Variants in CCDC171 observed in about 807,000 individuals in gnomAD.
The protein encoded by CCDC171 is coiled-coil domain-containing protein 171.
Under a neutral mutation model 168.2 loss-of-function variants are expected in CCDC171, and 177 were observed. That is an observed-to-expected ratio of 1.05 (90% CI 0.93 to 1.19). CCDC171 has a LOEUF of 1.19. Ranked by LOEUF, CCDC171 falls within the 50% of genes most tolerant of loss-of-function variation. CCDC171 has a pLI of 0.00. For missense variants in CCDC171, 1,991 were observed against 1,539.0 expected (o/e 1.29, Z -4.91); for synonymous variants, 687 against 540.8 (o/e 1.27, Z -3.75).
intron 16 of CCDC171, among the ~76,000 whole-genome samples, chr9:15,740,473 C>T (rs1450891891): frequency 6.6e-6 from 1 of 151,722 alleles, no homozygotes; most frequent in East Asian, 1.9e-4. Flanking sequence ...CTTGCTCTGT[C>T]ACCCAAGCTA....
the CCDC171 span, among the ~76,000 whole-genome samples, chr9:16,085,809 T>A: frequency 7.9e-5 from 12 of 152,348 alleles, no homozygotes; most frequent in African/African-American, 2.4e-4. Context: ...CTAGTCTGTA[T>A]GATTATCACA....
At chr9:15,940,670 T>C (rs1402097916) in intron 25 of CCDC171, among the ~76,000 whole-genome samples, 1 of 151,936 alleles carries the variant, frequency 6.6e-6, no homozygotes, top group African/African-American at 2.4e-5. Flanking sequence ...ATTTCTCCCC[T>C]TTATTTTTGA....
intron 21 of CCDC171, among the ~76,000 whole-genome samples, chr9:15,786,305 G>A (rs2057951152): frequency 1.3e-5 from 2 of 151,922 alleles, no homozygotes; most frequent in Admixed American, 1.3e-4. Flanking sequence ...CGATATGACT[G>A]TGAATTTTTT....
At chr9:15,979,639 T>G (rs1831730999) in intron 3 of CCDC171, among the ~76,000 whole-genome samples, 1 of 152,172 alleles carries the variant, frequency 6.6e-6, no homozygotes, top group South Asian at 2.1e-4. Context: ...GGGATAAATC[T>G]CACTTGGTCA....
At chr9:15,632,603 A>C (rs1253812543) in intron 7 of CCDC171, among the ~76,000 whole-genome samples, 1 of 152,172 alleles carries the variant, frequency 6.6e-6, no homozygotes, top group East Asian at 1.9e-4. Context: ...TCCCCAAGGT[A>C]ATTTATAGAT....
chr9:15,895,998 C>T (rs1820847257), intron 24 of CCDC171, among the ~76,000 whole-genome samples: 1 of 151,956 alleles, frequency 6.6e-6, no homozygotes, highest in Non-Finnish European at 1.5e-5. Context: ...ATGGTTTTCA[C>T]TAGGAACTTT....
intron 11 of CCDC171, among the ~76,000 whole-genome samples, chr9:15,719,584 C>T (rs1209287852): frequency 6.6e-6 from 1 of 152,002 alleles, no homozygotes; most frequent in Non-Finnish European, 1.5e-5. Flanking sequence ...AATAATTTAG[C>T]CATAGCAGAC....
At position 15,963,374 on chromosome 9, in the gene CCDC171, A is replaced by G. The variant is rs1010491046; in HGVS notation, c.3754-8235A>G. Among the ~76,000 whole-genome samples, 20 of 152,308 alleles carry G rather than the reference A, an allele frequency of 1.3e-4. 3 individuals carry two copies. The highest frequency in any genetic ancestry group is 5.9e-4 in the Admixed American group (9 of 15,294). ...AAGTTAAAAAAAAAAAGTTTTGTTT[A>G]TCTATCTAAAAATGCTTCAGTGAAC... On this transcript the variant is annotated intron_variant, in intron 25 of 25. Coordinates refer to ENST00000380701, the MANE Select transcript of CCDC171 (RefSeq NM_173550.4).
intron 25 of CCDC171, among the ~76,000 whole-genome samples, chr9:15,957,938 C>T (rs941295326): frequency 3.3e-5 from 5 of 152,044 alleles, no homozygotes; most frequent in African/African-American, 1.2e-4. Context: ...ACGGTAAGTT[C>T]CCTTCTGAAG....
intron 8 of CCDC171, among the ~76,000 whole-genome samples, chr9:16,036,636 T>A (rs1168462323): frequency 6.6e-6 from 1 of 152,170 alleles, no homozygotes; most frequent in Non-Finnish European, 1.5e-5. Flanking sequence ...AGAGCGAGAC[T>A]CCGTCTCAAA....
chr9:15,675,466 C>G (rs1034306880), intron 9 of CCDC171, among the ~76,000 whole-genome samples: 4 of 151,870 alleles, frequency 2.6e-5, no homozygotes, highest in Non-Finnish European at 5.9e-5. Flanking sequence ...TCTTCCTAGC[C>G]TTGATAGTCT....
chr9:15,626,414 A>G (rs1338908872), intron 7 of CCDC171, among the ~76,000 whole-genome samples: 1 of 152,150 alleles, frequency 6.6e-6, no homozygotes, highest in Non-Finnish European at 1.5e-5. Flanking sequence ...GAATGCTTCC[A>G]GTTTTTGCCC....
intron 6 of CCDC171, among the ~76,000 whole-genome samples, chr9:15,617,207 C>G (rs978952168): frequency 6.6e-6 from 1 of 152,194 alleles, no homozygotes; most frequent in African/African-American, 2.4e-5. Context: ...ATCTCATTCT[C>G]TGTTCAGTTT....
At chr9:15,669,920 C>G (rs6474943) in intron 9 of CCDC171, among the ~76,000 whole-genome samples, 137,771 of 147,838 alleles carry the variant, frequency 0.93, 64,248 homozygotes, top group East Asian at 1. Flanking sequence ...TGTTAAAATA[C>G]CCTGTTATTG....
At chr9:15,568,931 T>C (rs1412874682) in intron 2 of CCDC171, among the ~76,000 whole-genome samples, 1 of 152,240 alleles carries the variant, frequency 6.6e-6, no homozygotes, top group Non-Finnish European at 1.5e-5. Flanking sequence ...TTTGCTTTTG[T>C]TGTGATTGCT....
At chr9:15,995,874 T>TG (rs1320068648) in intron 3 of CCDC171, among the ~76,000 whole-genome samples, 1 of 152,230 alleles carries the variant, frequency 6.6e-6, no homozygotes, top group East Asian at 1.9e-4. Context: ...TTCACTGCTA[T>TG]GGGGTAGATC....
chr9:15,759,894 C>G (rs1027773361), intron 18 of CCDC171, among the ~76,000 whole-genome samples: 1 of 152,134 alleles, frequency 6.6e-6, no homozygotes, highest in African/African-American at 2.4e-5. Context: ...AGGATATTTT[C>G]ATCATAGGAC....
chr9:15,589,156 T>G (rs911226045), intron 4 of CCDC171, among the ~76,000 whole-genome samples: 1 of 152,192 alleles, frequency 6.6e-6, no homozygotes, highest in African/African-American at 2.4e-5. Context: ...GACTTCTTCT[T>G]GGCTTCCAGG....
chr9:16,054,968 G>A (rs1484090994), intron 1 of CCDC171, among the ~76,000 whole-genome samples: 1 of 152,214 alleles, frequency 6.6e-6, no homozygotes, highest in Non-Finnish European at 1.5e-5. Context: ...GCCCCTCGGG[G>A]CAAGGGTGGA....
Sources: gnomAD v4.1 joint callset for allele counts (sites outside exome capture counted in the v4.1 genomes callset) on GRCh38, gnomAD v4.1.1 for gene constraint, MANE v1.5 for transcripts, NCBI Gene and HGNC (gene_info 2026-07-23, HGNC 2026-07-21) for gene names.